Variants in VIT observed in about 807,000 individuals in gnomAD.
The protein encoded by VIT is vitrin.
In VIT, 99 loss-of-function variants were observed where a neutral mutation model predicts 78.0. That is an observed-to-expected ratio of 1.27 (90% CI 1.08 to 1.50). The LOEUF is 1.50. Among genes scored for constraint, VIT ranks in the 40% most tolerant of loss-of-function variants. The probability of loss-of-function intolerance (pLI) is 0.00; values close to 1 mark genes in which losing one functional copy is unlikely to be tolerated. For synonymous variants in VIT, 374 were observed against 334.3 expected (o/e 1.12, Z -1.29); for missense variants, 1,126 against 875.3 (o/e 1.29, Z -3.61).
chr2:36,756,841 A>T (rs1378902809), intron 5 of VIT, among the ~76,000 whole-genome samples: 1 of 152,234 alleles, frequency 6.6e-6, no homozygotes, highest in African/African-American at 2.4e-5. Context: ...AGAGCATTTC[A>T]GCCTTAAGTG....
chr2:36,729,009 G>T (rs1002822592), intron 2 of VIT, among the ~76,000 whole-genome samples: 17 of 151,782 alleles, frequency 1.1e-4, no homozygotes, highest in African/African-American at 4.1e-4. Context: ...TCCTCTAAAG[G>T]TGTACCACTT....
chr2:36,808,768 T>G lies in VIT; in HGVS notation c.1686T>G (p.Phe562Leu). The G allele has an allele frequency of 6.2e-7, 1 of 1,613,902 alleles. No individual in the cohort carries two copies. The highest frequency in any genetic ancestry group is 8.5e-7 in the Non-Finnish European group (1 of 1,179,816). Residue 562 changes from phenylalanine to leucine, a missense_variant, in exon 15 of 16, where the codon TTT becomes TTG. By Grantham distance (22) the Phe-to-Leu change is conservative (BLOSUM62 0). Transcript: ENST00000379242. ...VQYTYEQRLE[F>L]GFDKYSSKPD... ...ACACCTACGAACAGCGGCTGGAGTTTGGGTTCGACAAGTACAGCAGCAAGC... is the reference window on the plus strand; with the variant it reads ...ACACCTACGAACAGCGGCTGGAGTTGGGGTTCGACAAGTACAGCAGCAAGC...
At chr2:36,764,386 A>G (rs1572497809) in intron 6 of VIT, among the ~76,000 whole-genome samples, 1 of 152,246 alleles carries the variant, frequency 6.6e-6, no homozygotes, top group African/African-American at 2.4e-5. Context: ...GCCTGGTAGC[A>G]TTACCAGAGG....
At chr2:36,813,178 G>C (rs919088359) in intron 15 of VIT, among the ~76,000 whole-genome samples, 7 of 150,216 alleles carry the variant, frequency 4.7e-5, no homozygotes, top group African/African-American at 1.5e-4. Context: ...GGCCAGGCAC[G>C]GTGGCTCATG....
intron 3 of VIT, among the ~76,000 whole-genome samples, chr2:36,732,637 G>T (rs1667278465): frequency 6.6e-6 from 1 of 152,050 alleles, no homozygotes; most frequent in African/African-American, 2.4e-5. Flanking sequence ...ATTGTGTGCT[G>T]GCCAAGTACC....
At chr2:36,809,990 C>CA (rs36123287) in intron 15 of VIT, among the ~76,000 whole-genome samples, 61,480 of 100,528 alleles carry the variant, frequency 0.61, 19,692 homozygotes, top group East Asian at 0.83. Flanking sequence ...GATCCTGTCT[C>CA]AAAAAAAAAA....
At chr2:36,742,499 GTT>G (rs1464497792) in intron 3 of VIT, among the ~76,000 whole-genome samples, 1 of 152,136 alleles carries the variant, frequency 6.6e-6, no homozygotes, top group Non-Finnish European at 1.5e-5. Context: ...AAAATATCAT[GTT>G]TTTGACCTGT....
At chr2:36,805,769 C>G in intron 14 of VIT, 105 bp downstream of exon 14, 1 of 1,271,658 alleles carries the variant, frequency 7.9e-7, no homozygotes, top group East Asian at 2.5e-5. Context: ...GTGCATGAAG[C>G]TCATCTCTAG....
At position 36,801,303 on chromosome 2, in the gene VIT, A is replaced by G. The variant is rs751689284; in HGVS notation, c.1061A>G (p.Asp354Gly). 3.7e-6 allele frequency: 6 copies of G among 1,613,822 alleles called. No individual in the cohort carries two copies. The highest frequency in any genetic ancestry group is 5.1e-6 in the Non-Finnish European group (6 of 1,179,748). The change falls in exon 13 of 16, where the codon GAC becomes GGC. Residue 354 changes from aspartate (D) to glycine (G), a missense_variant and splice_region_variant. Physicochemically the swap from Asp to Gly is moderately conservative, Grantham distance 94. Coordinates refer to ENST00000379242, the MANE Select transcript of VIT (RefSeq NM_053276.4). ...TATTTCTTGTTCTGACTCTTCAGAG[A>G]CAACCCTGCTACTCACTTTAACCTC... Reference protein sequence around the residue: ...GPLMGVVQYGDNPATHFNLKT... With the variant: ...GPLMGVVQYGGNPATHFNLKT...
At chr2:36,724,941 T>C (rs988196010) in intron 2 of VIT, among the ~76,000 whole-genome samples, 7 of 152,226 alleles carry the variant, frequency 4.6e-5, no homozygotes, top group African/African-American at 1.7e-4. Context: ...AGTGCTTGTT[T>C]TAAAAATATT....
chr2:36,802,719 G>A (rs1004596691), intron 13 of VIT, among the ~76,000 whole-genome samples: 7 of 152,254 alleles, frequency 4.6e-5, no homozygotes, highest in African/African-American at 1.7e-4. Context: ...GACGAGGTTA[G>A]CGATGGGTCT....
intron 4 of VIT, among the ~76,000 whole-genome samples, chr2:36,750,944 G>A (rs1668422813): frequency 6.6e-6 from 1 of 152,130 alleles, no homozygotes; most frequent in African/African-American, 2.4e-5. Context: ...ATAAGAAACC[G>A]AGGTATCAAA....
chr2:36,764,683 G>A (rs184072628), intron 6 of VIT, among the ~76,000 whole-genome samples: 4 of 152,134 alleles, frequency 2.6e-5, no homozygotes, highest in South Asian at 2.1e-4. Flanking sequence ...ATTCCAACCC[G>A]ATTCCAGGAA....
intron 3 of VIT, among the ~76,000 whole-genome samples, chr2:36,735,415 T>C (rs1403491122): frequency 6.6e-6 from 1 of 152,222 alleles, no homozygotes; most frequent in Non-Finnish European, 1.5e-5. Flanking sequence ...AAACTGCCAA[T>C]TGCTGGGGTA....
At chr2:36,805,310 A>C in intron 13 of VIT, 128 bp from the exon 14 acceptor site, 1 of 850,440 alleles carries the variant, frequency 1.2e-6, no homozygotes, top group Non-Finnish European at 1.6e-6. Flanking sequence ...TCTCAAAGGA[A>C]AAAAAAAAAA....
chr2:36,751,052 G>A (rs1668429678), intron 4 of VIT, among the ~76,000 whole-genome samples: 1 of 152,122 alleles, frequency 6.6e-6, no homozygotes, highest in African/African-American at 2.4e-5. Context: ...CCGAGGTCAG[G>A]AGTTCAAGAC....
chr2:36,781,621 C>A, intron 9 of VIT, 106 bp from the exon 10 acceptor site: 3 of 1,307,368 alleles, frequency 2.3e-6, no homozygotes, highest in Non-Finnish European at 3.2e-6. Flanking sequence ...CTTTATTGAA[C>A]TTTCAGACAC....
At chr2:36,708,459 G>A (rs151145682) in intron 1 of VIT, among the ~76,000 whole-genome samples, 4 of 152,062 alleles carry the variant, frequency 2.6e-5, no homozygotes, top group African/African-American at 9.7e-5. Context: ...TTTTCCAAGC[G>A]AGTGGCTCAA....
At chr2:36,760,511 G>A (rs189809490) in intron 6 of VIT, among the ~76,000 whole-genome samples, 13 of 152,262 alleles carry the variant, frequency 8.5e-5, no homozygotes, top group African/African-American at 2.9e-4. Context: ...ACTGGCAGTG[G>A]GTCTGGTGCC....
Sources: allele counts gnomAD v4.1 joint callset (sites outside exome capture counted in the v4.1 genomes callset), GRCh38; gene constraint gnomAD v4.1.1; transcripts MANE v1.5; gene names NCBI Gene and HGNC (gene_info 2026-07-23, HGNC 2026-07-21).